The following SORCS1 variants were observed in gnomAD, a reference collection of about 807,000 sequenced individuals.
SORCS1 encodes sortilin related VPS10 domain containing receptor 1.
Under a neutral mutation model 146.1 loss-of-function variants are expected in SORCS1, and 60 were observed. That is an observed-to-expected ratio of 0.41 (90% CI 0.33 to 0.51). The LOEUF (loss-of-function observed/expected upper bound fraction) is 0.51. SORCS1 is among the 20% of genes least tolerant of loss of function. The pLI is 0.21. For missense variants in SORCS1, 1,352 were observed against 1,487.6 expected, an observed-to-expected ratio of 0.91 and a Z score of 1.50; for synonymous variants, 637 against 584.0, an observed-to-expected ratio of 1.09 and a Z score of -1.31.
intron 2 of SORCS1, among the ~76,000 whole-genome samples, chr10:106,893,348 T>G (rs1164569795): frequency 6.6e-6 from 1 of 152,210 alleles, no homozygotes; most frequent in South Asian, 2.1e-4. Flanking sequence ...AACATTTAGT[T>G]TAGCTCAGAT....
intron 2 of SORCS1, among the ~76,000 whole-genome samples, chr10:106,898,114 G>T (rs76000683): frequency 6.6e-6 from 1 of 152,198 alleles, no homozygotes; most frequent in Non-Finnish European, 1.5e-5. Context: ...GAGCAATGCC[G>T]TGGTTGTAAT....
intron 2 of SORCS1, among the ~76,000 whole-genome samples, chr10:106,850,949 C>T (rs1208307112): frequency 2.0e-5 from 3 of 152,172 alleles, no homozygotes; most frequent in East Asian, 3.9e-4. Flanking sequence ...AACACAGAAA[C>T]TTGGAGTCAT....
At position 107,164,247 on chromosome 10, in the gene SORCS1, C is replaced by T. The variant is rs1196801880; in HGVS notation, c.280G>A (p.Gly94Ser). Reference protein sequence around the residue: ...DRALSLERARGTGASMAVAAR... With the variant: ...DRALSLERARSTGASMAVAAR... ...GCAACCGCCATGGATGCCCCAGTGC[C>T]CCGAGCCCGCTCCAGGGATAGCGCT... is the stretch of plus-strand genomic sequence containing the variant. Residue 94 changes from glycine to serine, a missense_variant, in exon 1 of 26, where the codon GGC becomes AGC. Gly to Ser is a moderately conservative substitution (Grantham distance 56, BLOSUM62 0). Coordinates refer to ENST00000263054, the MANE Select transcript of SORCS1 (RefSeq NM_052918.5). This position sits in a 1 kb window ranked among gnomAD's most constrained non-coding sequence, Gnocchi z 6.8. 1.9e-6 allele frequency: 3 copies of T among 1,606,350 alleles called. No individual in the cohort carries two copies. Among genetic ancestry groups the T allele is most frequent in the Non-Finnish European group, 2.5e-6 (3 of 1,179,626 alleles).
At chr10:106,603,956 A>G (rs1351531875) in intron 23 of SORCS1, among the ~76,000 whole-genome samples, 1 of 152,128 alleles carries the variant, frequency 6.6e-6, no homozygotes, top group Non-Finnish European at 1.5e-5. Flanking sequence ...GGGACTAGCT[A>G]AGAGATGACC....
intron 1 of SORCS1, among the ~76,000 whole-genome samples, chr10:107,020,553 A>G (rs1369334264): frequency 6.6e-6 from 1 of 152,224 alleles, no homozygotes; most frequent in Non-Finnish European, 1.5e-5. Context: ...TAATCTATTA[A>G]CAGTGATCAA....
chr10:106,980,100 C>G (rs1268759897), intron 1 of SORCS1, among the ~76,000 whole-genome samples: 1 of 152,178 alleles, frequency 6.6e-6, no homozygotes, highest in African/African-American at 2.4e-5. Context: ...TGAGCATATT[C>G]CACCACAAAT....
intron 18 of SORCS1, among the ~76,000 whole-genome samples, chr10:106,634,162 C>T (rs1159215691): frequency 5.3e-5 from 8 of 152,306 alleles, no homozygotes; most frequent in Middle Eastern, 3.4e-3. Flanking sequence ...TCATGATACA[C>T]GCAGCCAAGA....
chr10:106,723,376 T>C (rs1049696207), intron 6 of SORCS1, among the ~76,000 whole-genome samples: 2 of 145,090 alleles, frequency 1.4e-5, no homozygotes, highest in Admixed American at 7.3e-5. Flanking sequence ...AGTATTTTAA[T>C]GTACTGGGCT....
upstream of SORCS1, among the ~76,000 whole-genome samples, chr10:107,166,285 A>G (rs1970049366): frequency 6.6e-6 from 1 of 152,238 alleles, no homozygotes; most frequent in Non-Finnish European, 1.5e-5. Context: ...ACAGAGTGAT[A>G]ATTACTCTTC....
At chr10:106,619,075 G>A (rs903666916) in intron 20 of SORCS1, among the ~76,000 whole-genome samples, 1 of 151,922 alleles carries the variant, frequency 6.6e-6, no homozygotes, top group African/African-American at 2.4e-5. Flanking sequence ...GAAGACTAAC[G>A]CCCAGCATGA....
rs555278173 is a variant in SORCS1 at position 107,020,535 on chromosome 10, G to C, written c.559-63955C>G. ...TTTAGCATTTATAGCTGTTTTTGTG[G>C]TTAAACATAATCTATTAACAGTGAT... is the stretch of plus-strand genomic sequence containing the variant. On this transcript the variant is annotated intron_variant, in intron 1 of 25. Coordinates refer to ENST00000263054, the MANE Select transcript of SORCS1 (RefSeq NM_052918.5). 6.6e-5 allele frequency among the ~76,000 whole-genome samples: 10 copies of C among 152,298 alleles called. No homozygotes were observed. The East Asian group carries it at 1.9e-3, about 29-fold the overall frequency.
intron 18 of SORCS1, among the ~76,000 whole-genome samples, chr10:106,644,947 G>GTAT (rs1758661496): frequency 6.6e-6 from 1 of 152,068 alleles, no homozygotes; most frequent in Non-Finnish European, 1.5e-5. Context: ...CATACATTCT[G>GTAT]GTGCATATGT....
chr10:106,844,560 ATTTC>A (rs1471886822), intron 2 of SORCS1, among the ~76,000 whole-genome samples: 5 of 150,622 alleles, frequency 3.3e-5, no homozygotes, highest in Admixed American at 6.6e-5. Flanking sequence ...CATTTACTGA[ATTTC>A]TTTTTTTTTT....
intron 19 of SORCS1, among the ~76,000 whole-genome samples, chr10:106,622,343 G>T (rs1847808447): frequency 7.3e-6 from 1 of 136,590 alleles, no homozygotes; most frequent in Non-Finnish European, 1.6e-5. Context: ...TGATAATAAT[G>T]ATAGCTAACA....
chr10:107,074,028 C>A (rs879720564), intron 1 of SORCS1, among the ~76,000 whole-genome samples: 7 of 152,098 alleles, frequency 4.6e-5, no homozygotes, highest in Non-Finnish European at 8.8e-5. Context: ...AACTGATGAA[C>A]CCACATTGAC....
At chr10:106,979,958 C>A (rs916475566) in intron 1 of SORCS1, among the ~76,000 whole-genome samples, 3 of 152,136 alleles carry the variant, frequency 2.0e-5, no homozygotes, top group Admixed American at 2.0e-4. Context: ...CATGGTAGTC[C>A]TTCAAATGTT....
chr10:106,876,260 G>T (rs188683896), intron 2 of SORCS1, among the ~76,000 whole-genome samples: 76 of 152,190 alleles, frequency 5.0e-4, no homozygotes, highest in Non-Finnish European at 8.8e-4. Flanking sequence ...TGCATTATTT[G>T]TGCTTTATTA....
At chr10:106,955,216 C>G (rs1479116005) in intron 2 of SORCS1, among the ~76,000 whole-genome samples, 1 of 152,220 alleles carries the variant, frequency 6.6e-6, no homozygotes, top group African/African-American at 2.4e-5. Context: ...TGCTGTAACA[C>G]CCCCTTTGCA....
intron 3 of SORCS1, among the ~76,000 whole-genome samples, chr10:106,796,364 T>C (rs2255917): frequency 2.0e-5 from 3 of 152,014 alleles, no homozygotes; most frequent in Non-Finnish European, 2.9e-5. Flanking sequence ...AAATCTAAGA[T>C]CAGAAATTTT....
Sources: gnomAD v4.1 joint callset for allele counts (sites outside exome capture counted in the v4.1 genomes callset) on GRCh38, gnomAD v4.1.1 for gene constraint, Gnocchi (gnomAD v3.1) non-coding constraint, MANE v1.5 for transcripts, NCBI Gene and HGNC (gene_info 2026-07-23, HGNC 2026-07-21) for gene names.